The following DIAPH2 variants were observed in gnomAD, a reference collection of about 807,000 sequenced individuals.
DIAPH2 encodes the protein diaphanous related formin 2.
DIAPH2 carries 35 observed loss-of-function variants against 92.7 expected under a neutral mutation model. That is an observed-to-expected ratio of 0.38 (90% CI 0.29 to 0.50). DIAPH2 has a LOEUF of 0.50. DIAPH2 is among the 20% of genes least tolerant of loss of function. The pLI, the probability that DIAPH2 is intolerant of heterozygous loss-of-function variation, is 0.94. For synonymous variants in DIAPH2, 301 were observed against 280.4 expected (o/e 1.07, Z -0.73); for missense variants, 701 against 819.5 (o/e 0.86, Z 1.77).
chrX:97,554,182 G>A (rs940255269), intron 26 of DIAPH2, among the ~76,000 whole-genome samples: 4 of 111,373 alleles, frequency 3.6e-5, no homozygotes, highest in African/African-American at 1.3e-4. Flanking sequence ...GCCTCAAATG[G>A]TACATCTTTC....
intron 4 of DIAPH2, among the ~76,000 whole-genome samples, chrX:96,804,610 C>T (rs1408617319): frequency 1.8e-5 from 2 of 111,315 alleles, no homozygotes; most frequent in African/African-American, 6.5e-5. Context: ...TCACCAAACA[C>T]CAATCATTTT....
At chrX:97,223,983 G>A (rs1465581606) in intron 22 of DIAPH2, among the ~76,000 whole-genome samples, 1 of 111,702 alleles carries the variant, frequency 9.0e-6, no homozygotes, top group Admixed American at 9.5e-5. Flanking sequence ...CTCAGAAAAA[G>A]CAACCATTTC....
chrX:96,980,542 G>T (rs745358258), intron 17 of DIAPH2, among the ~76,000 whole-genome samples: 1 of 110,691 alleles, frequency 9.0e-6, no homozygotes, highest in Non-Finnish European at 1.9e-5. Flanking sequence ...AAACGGGGAT[G>T]AAAAGTTTTC....
chrX:97,001,569 C>T (rs2066144443), intron 17 of DIAPH2, among the ~76,000 whole-genome samples: 2 of 111,048 alleles, frequency 1.8e-5, no homozygotes, highest in Admixed American at 1.9e-4. Context: ...TCGATTGAAC[C>T]TGGGAGGCGG....
chrX:96,805,370 T>G (rs2064616254), intron 4 of DIAPH2, among the ~76,000 whole-genome samples: 1 of 110,643 alleles, frequency 9.0e-6, no homozygotes, highest in Admixed American at 9.7e-5. Context: ...AATGTGATAC[T>G]TGAGCAAAGA....
chrX:96,741,239 A>T (rs2064117523), intron 3 of DIAPH2, among the ~76,000 whole-genome samples: 1 of 107,724 alleles, frequency 9.3e-6, no homozygotes, highest in Non-Finnish European at 1.9e-5. Context: ...CCTTCTTTTG[A>T]CCCTTTCTCT....
chrX:97,145,982 A>C (rs373613018), intron 22 of DIAPH2, among the ~76,000 whole-genome samples: 1 of 96,205 alleles, frequency 1.0e-5, no homozygotes, highest in African/African-American at 3.7e-5. Flanking sequence ...ATCTCTGTTC[A>C]GAATCTATTT....
intron 22 of DIAPH2, among the ~76,000 whole-genome samples, chrX:97,194,564 G>A (rs1287743889): frequency 9.0e-6 from 1 of 111,448 alleles, no homozygotes; most frequent in East Asian, 2.8e-4. Context: ...GATTACAGGC[G>A]TGAACCACTG....
At chrX:97,059,665 C>T (rs2066583582) in intron 17 of DIAPH2, among the ~76,000 whole-genome samples, 1 of 111,925 alleles carries the variant, frequency 8.9e-6, no homozygotes, top group Admixed American at 9.5e-5. Context: ...TAAAGTAGGA[C>T]AGAGATGAAA....
At chrX:97,142,203 A>T (rs891527945) in intron 22 of DIAPH2, among the ~76,000 whole-genome samples, 4 of 111,707 alleles carry the variant, frequency 3.6e-5, no homozygotes, top group African/African-American at 1.3e-4. Context: ...CATACACACA[A>T]ATGTGTTATA....
At chrX:97,429,599 A>G (rs747237496) in intron 25 of DIAPH2, 51 bp from the exon 26 acceptor site, 1 of 1,178,266 alleles carries the variant, frequency 8.5e-7, no homozygotes, top group African/African-American at 1.8e-5. Flanking sequence ...ATTTTCCTGT[A>G]GTTTAACTTT....
intron 18 of DIAPH2, among the ~76,000 whole-genome samples, chrX:97,074,393 C>T (rs1293553600): frequency 1.8e-5 from 2 of 110,842 alleles, no homozygotes; most frequent in African/African-American, 6.6e-5. Context: ...GCAACAAGAA[C>T]GAAACTGTCT....
intron 26 of DIAPH2, chrX:97,564,316 A>G (rs1327722311): frequency 8.9e-6 from 1 of 112,273 alleles, no homozygotes; most frequent in Non-Finnish European, 1.9e-5. Flanking sequence ...TTGAAACCTT[A>G]ATCTGTTCAG....
At chrX:97,094,316 C>G (rs529314) in intron 19 of DIAPH2, among the ~76,000 whole-genome samples, 2 of 111,198 alleles carry the variant, frequency 1.8e-5, no homozygotes, top group Non-Finnish European at 3.8e-5. Context: ...TGTTAAATGT[C>G]AGAGTTTCAA....
intron 22 of DIAPH2, among the ~76,000 whole-genome samples, chrX:97,222,005 TTAGA>T (rs1463580017): frequency 9.0e-6 from 1 of 111,610 alleles, no homozygotes; most frequent in African/African-American, 3.3e-5. Context: ...AGATTTATAT[TTAGA>T]TAAAGTTATT....
At chrX:96,880,548 G>C (rs1382527208) in intron 4 of DIAPH2, among the ~76,000 whole-genome samples, 1 of 110,837 alleles carries the variant, frequency 9.0e-6, no homozygotes, top group Non-Finnish European at 1.9e-5. Context: ...CTACCCAATG[G>C]GGAAAAATTC....
intron 4 of DIAPH2, among the ~76,000 whole-genome samples, chrX:96,766,613 T>C (rs2064305663): frequency 9.0e-6 from 1 of 111,685 alleles, no homozygotes; most frequent in Non-Finnish European, 1.9e-5. Flanking sequence ...AGGTAGGAAA[T>C]TTATAGAGGT....
chrX:97,000,218 A>G (rs974293880), intron 17 of DIAPH2, among the ~76,000 whole-genome samples: 1 of 112,216 alleles, frequency 8.9e-6, no homozygotes, highest in Non-Finnish European at 1.9e-5. Flanking sequence ...AAAGAAAAAG[A>G]CGCAGGCATT....
intron 4 of DIAPH2, among the ~76,000 whole-genome samples, chrX:96,852,836 G>A (rs2065014388): frequency 9.0e-6 from 1 of 111,658 alleles, no homozygotes; most frequent in Admixed American, 9.6e-5. Flanking sequence ...TCTTTTCTGC[G>A]ACTACATCAA....
Sources: gnomAD v4.1 joint callset for allele counts (sites outside exome capture counted in the v4.1 genomes callset) on GRCh38, gnomAD v4.1.1 for gene constraint, MANE v1.5 for transcripts, NCBI Gene and HGNC (gene_info 2026-07-23, HGNC 2026-07-21) for gene names.